HOMER2: variants seen among roughly 807,000 people sequenced by gnomAD.
HOMER2 encodes the protein homer scaffold protein 2, also known as homer protein homolog 2.
Under a neutral mutation model 47.0 loss-of-function variants are expected in HOMER2, and 27 were observed. The observed-to-expected ratio is 0.57, with a 90% CI of 0.42 to 0.79. HOMER2 has a LOEUF of 0.79. Among genes scored for constraint, HOMER2 ranks in the 30% least tolerant of loss-of-function variants. The pLI is 0.00. For synonymous variants in HOMER2, 161 were observed against 163.8 expected (o/e 0.98, Z 0.13); for missense variants, 443 against 435.0 (o/e 1.02, Z -0.16).
chr15:82,962,590 T>C (rs1028493035), intron 1 of HOMER2, among the ~76,000 whole-genome samples: 2 of 152,016 alleles, frequency 1.3e-5, no homozygotes, highest in East Asian at 1.9e-4. Flanking sequence ...GGTAGGAGAA[T>C]TGCTTGAACC....
At chr15:82,864,651 G>A (rs1377117500) in intron 3 of HOMER2, among the ~76,000 whole-genome samples, 3 of 143,894 alleles carry the variant, frequency 2.1e-5, no homozygotes, top group East Asian at 1.9e-4. Flanking sequence ...ATGTCTTGAT[G>A]CTTATAGTTT....
At position 82,855,642 on chromosome 15, in the gene HOMER2, G is replaced by A. The variant is rs145050421; in HGVS notation, c.495-842C>T. ...CAGATCTGAGGGCCTAGGGCTTGGAGACAGGAGAGAGTGACCAGGAATCAG... is the reference window on the plus strand; with the variant it reads ...CAGATCTGAGGGCCTAGGGCTTGGAAACAGGAGAGAGTGACCAGGAATCAG... On this transcript the variant is annotated intron_variant, in intron 5 of 8. Coordinates refer to ENST00000450735, the MANE Select transcript of HOMER2 (RefSeq NM_004839.4). Among the ~76,000 whole-genome samples, 468 of 152,364 alleles carry A rather than the reference G, an allele frequency of 3.1e-3. 2 individuals carry two copies. Among genetic ancestry groups the A allele is most frequent in the South Asian group, 9.3e-3 (45 of 4,828 alleles).
chr15:82,893,855 G>C (rs939927934), intron 1 of HOMER2, among the ~76,000 whole-genome samples: 1 of 152,110 alleles, frequency 6.6e-6, no homozygotes, highest in African/African-American at 2.4e-5. Flanking sequence ...TTAAACTCCT[G>C]ATCTCAAGTG....
intron 4 of HOMER2, 169 bp from the exon 5 acceptor site, chr15:82,859,304 G>GTTT (rs55861392): frequency 8.2e-4 from 516 of 626,548 alleles, no homozygotes; most frequent in Non-Finnish European, 1.0e-3. Flanking sequence ...ACAAGTTTTT[G>GTTT]TTTTTTTTTT....
rs60173257 is a variant in HOMER2 at position 82,902,810 on chromosome 15, T to G, written c.6-9969A>C. Reference sequence around the variant, plus strand: ...ATTTTAAATACTGAGGGCTTTTATATTCATCTACAATAAAAATGAAGTTAG... The same window carrying G: ...ATTTTAAATACTGAGGGCTTTTATAGTCATCTACAATAAAAATGAAGTTAG... On this transcript the variant is annotated intron_variant, in intron 1 of 8. Transcript: ENST00000450735. Among the ~76,000 whole-genome samples the G allele has an allele frequency of 2.8e-3, 431 of 152,342 alleles. 1 individual carries two copies. The highest frequency in any genetic ancestry group is 9.8e-3 in the African/African-American group (407 of 41,578).
chr15:82,861,267 C>A (rs11852370), intron 4 of HOMER2, among the ~76,000 whole-genome samples: 63 of 152,130 alleles, frequency 4.1e-4, no homozygotes, highest in Non-Finnish European at 5.4e-4. Context: ...CAAGAACATT[C>A]ATCACAGTGT....
At position 82,949,773 on chromosome 15, in the gene HOMER2, A is replaced by C. The variant is rs1214850870; in HGVS notation, c.5+2758T>G. On this transcript the variant is annotated intron_variant, in intron 1 of 8. Transcript: ENST00000450735. ...TAGCTACATGTGGCTATTTAAATTT[A>C]GATTAAGTTAAAAATTCAGGTCCTC... 2.6e-5 allele frequency among the ~76,000 whole-genome samples: 4 copies of C among 152,318 alleles called. No homozygotes were observed. The East Asian group carries it at 5.8e-4, about 22-fold the overall frequency.
chr15:82,869,253 G>C (rs768320977), intron 3 of HOMER2, among the ~76,000 whole-genome samples: 3 of 151,950 alleles, frequency 2.0e-5, no homozygotes, highest in Non-Finnish European at 4.4e-5. Context: ...CAATTTATGA[G>C]CTCCCCTGCC....
At chr15:82,949,523 G>C (rs1386668568) in intron 1 of HOMER2, among the ~76,000 whole-genome samples, 1 of 152,170 alleles carries the variant, frequency 6.6e-6, no homozygotes, top group Non-Finnish European at 1.5e-5. Context: ...CCAAGACCCT[G>C]GCAGTTTTGG....
chr15:82,911,539 T>C (rs1342059889), intron 1 of HOMER2, among the ~76,000 whole-genome samples: 1 of 152,200 alleles, frequency 6.6e-6, no homozygotes, highest in African/African-American at 2.4e-5. Context: ...GCCAAGTCAA[T>C]TACAAAAAGT....
At chr15:82,954,460 G>GTTTTTTTT (rs34974567), upstream of HOMER2, among the ~76,000 whole-genome samples, 1 of 134,426 alleles carries the variant, frequency 7.4e-6, no homozygotes. Flanking sequence ...ACCACGCCCA[G>GTTTTTTTT]TTTTTTTTTT....
chr15:82,962,616 G>A (rs995683026), intron 1 of HOMER2, among the ~76,000 whole-genome samples: 2 of 152,030 alleles, frequency 1.3e-5, no homozygotes, highest in Admixed American at 6.5e-5. Context: ...GGTGGAGGTT[G>A]CAGCAAGCCG....
At position 82,864,307 on chromosome 15, in the gene HOMER2, G is replaced by T. The variant is rs772245850; in HGVS notation, c.295-48C>A. On this transcript the variant is annotated intron_variant, in intron 3 of 8. Coordinates refer to ENST00000450735, the MANE Select transcript of HOMER2 (RefSeq NM_004839.4). ...AAGGCTTTTATTAACCTCACTCATG[G>T]CTGGTATTCAGAACCCACCTTTATT... is the stretch of plus-strand genomic sequence containing the variant. 4.5e-6 allele frequency: 6 copies of T among 1,331,638 alleles called. No homozygotes were observed. The African/African-American group carries it at 7.3e-5, about 16-fold the overall frequency. 82.5% of individuals were successfully genotyped at this position (1,331,638 alleles called of 1,614,324 possible).
At chr15:82,959,493 C>A (rs187262593) in intron 1 of HOMER2, among the ~76,000 whole-genome samples, 15 of 152,224 alleles carry the variant, frequency 9.9e-5, no homozygotes, top group Admixed American at 9.8e-4. Context: ...TTGAAAGGGC[C>A]GGTCTGGAGA....
At chr15:82,882,549 A>C (rs940584641) in intron 2 of HOMER2, among the ~76,000 whole-genome samples, 5 of 152,236 alleles carry the variant, frequency 3.3e-5, no homozygotes, top group Non-Finnish European at 4.4e-5. Flanking sequence ...CTGACACATG[A>C]AACATTGTCC....
chr15:82,841,648 A>G (rs1479443621), exon 2 of HOMER2: 1 of 152,220 alleles, frequency 6.6e-6, no homozygotes, highest in Admixed American at 6.5e-5. Context: ...ATAAGATTAC[A>G]AATATGGGAA....
downstream of HOMER2, among the ~76,000 whole-genome samples, chr15:82,848,704 G>C (rs773377732): frequency 6.6e-6 from 1 of 152,206 alleles, no homozygotes; most frequent in African/African-American, 2.4e-5. Flanking sequence ...CCTATACCTG[G>C]AATCCCTGGG....
intron 1 of HOMER2, among the ~76,000 whole-genome samples, chr15:82,945,327 T>C (rs2054352675): frequency 6.6e-6 from 1 of 152,224 alleles, no homozygotes; most frequent in African/African-American, 2.4e-5. Flanking sequence ...GGTGTGGATT[T>C]AAATGATGAG....
chr15:82,901,735 C>T (rs2053124249), intron 1 of HOMER2, among the ~76,000 whole-genome samples: 1 of 152,264 alleles, frequency 6.6e-6, no homozygotes, highest in African/African-American at 2.4e-5. Context: ...GGGCCAGCAT[C>T]TCCCTAATGT....
Sources: allele counts gnomAD v4.1 joint callset (sites outside exome capture counted in the v4.1 genomes callset), GRCh38; gene constraint gnomAD v4.1.1; transcripts MANE v1.5; gene names NCBI Gene and HGNC (gene_info 2026-07-23, HGNC 2026-07-21).